PIK3C2G: variants seen among roughly 807,000 people sequenced by gnomAD.
The protein encoded by PIK3C2G is phosphatidylinositol-4-phosphate 3-kinase catalytic subunit type 2 gamma.
In PIK3C2G, 168 loss-of-function variants were observed where a neutral mutation model predicts 181.1. The observed-to-expected ratio is 0.93, with a 90% CI of 0.82 to 1.05. PIK3C2G has a LOEUF of 1.05. PIK3C2G is among the 50% of genes least tolerant of loss of function. The pLI is 0.00. For missense variants in PIK3C2G, 1,869 were observed against 1,732.8 expected (o/e 1.08, Z -1.40); for synonymous variants, 573 against 592.2 (o/e 0.97, Z 0.47).
the PIK3C2G span, among the ~76,000 whole-genome samples, chr12:18,658,542 A>G: frequency 2.0e-5 from 3 of 152,154 alleles, no homozygotes; most frequent in Non-Finnish European, 4.4e-5. Context: ...AAGAGCTAAA[A>G]GAAAAGACCA....
In PIK3C2G at chr12:18,562,801, C is replaced by T; in HGVS notation, c.3689C>T (p.Ser1230Leu). Residue 1230 changes from serine (S) to leucine (L), a missense_variant, in exon 27 of 33, where the codon TCA becomes TTA. By Grantham distance (145) the Ser-to-Leu change is moderately radical (BLOSUM62 -2). Transcript: ENST00000538779. ...GCCATAAGCCCTGCCAAATCTACTT[C>T]ACAGACTTTTCCTCAGGAATCCTGT... is the stretch of plus-strand genomic sequence containing the variant. ...MSAISPAKST[S>L]QTFPQESCLL... The T allele has an allele frequency of 6.2e-7, 1 of 1,608,018 alleles. No individual in the cohort carries two copies. Among genetic ancestry groups the T allele is most frequent in the Non-Finnish European group, 8.5e-7 (1 of 1,176,578 alleles).
Position 18,397,120 on chromosome 12 carries a change from A to G in PIK3C2G, c.2127-2539A>G, listed in dbSNP as rs545100934. Among the ~76,000 whole-genome samples the G allele has an allele frequency of 2.0e-5, 3 of 152,010 alleles. No individual in the cohort carries two copies. The East Asian group carries it at 5.8e-4, about 29-fold the overall frequency. On this transcript the variant is annotated intron_variant, in intron 15 of 32. Transcript: ENST00000538779. ...ATGTAGATAGAATAGAAAGCCAGAG[A>G]CCTATTTGTATGTTCAATTTATTTT... is the stretch of plus-strand genomic sequence containing the variant.
At chr12:18,683,211 C>A in the PIK3C2G span, 1 of 1,593,590 alleles carries the variant, frequency 6.3e-7, no homozygotes, top group Non-Finnish European at 8.6e-7. Context: ...CGATGCATAG[C>A]TAATGATATG....
intron 31 of PIK3C2G, among the ~76,000 whole-genome samples, chr12:18,625,277 C>T (rs1221772134): frequency 1.3e-5 from 2 of 151,566 alleles, no homozygotes; most frequent in African/African-American, 4.8e-5. Context: ...CTTCATTGAC[C>T]TATTGGCTGT....
At chr12:18,291,825 T>C (rs948502961) in intron 4 of PIK3C2G, among the ~76,000 whole-genome samples, 1 of 151,676 alleles carries the variant, frequency 6.6e-6, no homozygotes, top group East Asian at 1.9e-4. Context: ...AGCAGTGTTA[T>C]ATTGGTATAT....
At chr12:18,691,037 C>G in the PIK3C2G span, among the ~76,000 whole-genome samples, 1 of 152,132 alleles carries the variant, frequency 6.6e-6, no homozygotes, top group African/African-American at 2.4e-5. Flanking sequence ...CTGAAACCAT[C>G]AGGAAGCCAA....
At chr12:18,546,258 A>T (rs1944415466) in intron 25 of PIK3C2G, 65 bp from the exon 26 acceptor site, 2 of 966,032 alleles carry the variant, frequency 2.1e-6, no homozygotes, top group Non-Finnish European at 3.2e-6. Context: ...TTAATCAAGT[A>T]AGCTTGATTG....
chr12:18,626,097 G>T (rs1447745058), intron 31 of PIK3C2G, among the ~76,000 whole-genome samples: 1 of 150,510 alleles, frequency 6.6e-6, no homozygotes, highest in Non-Finnish European at 1.5e-5. Context: ...TAGATACTTG[G>T]TTTTTTTCTT....
At chr12:18,451,112 G>C (rs1232795401) in intron 18 of PIK3C2G, among the ~76,000 whole-genome samples, 1 of 152,150 alleles carries the variant, frequency 6.6e-6, no homozygotes, top group Non-Finnish European at 1.5e-5. Context: ...ATTCTGTTAA[G>C]AAAGTCAATG....
chr12:18,715,399 GT>G, the PIK3C2G span, among the ~76,000 whole-genome samples: 1,172 of 146,286 alleles, frequency 8.0e-3, 14 homozygotes, highest in African/African-American at 0.027. Context: ...GGGGTGTTTG[GT>G]TTTTTTTTTG....
chr12:18,530,681 ATC>A (rs2136215110), intron 24 of PIK3C2G, among the ~76,000 whole-genome samples: 1 of 152,270 alleles, frequency 6.6e-6, no homozygotes, highest in Admixed American at 6.5e-5. Context: ...AGGTGATTAG[ATC>A]ATGGGGGTGG....
the PIK3C2G span, among the ~76,000 whole-genome samples, chr12:18,670,984 C>G: frequency 6.6e-6 from 1 of 151,886 alleles, no homozygotes; most frequent in Non-Finnish European, 1.5e-5. Context: ...AGTTAGAGCA[C>G]CTGGACAACA....
rs1421895310 is a variant in PIK3C2G at position 18,609,615 on chromosome 12, C to A, written c.4168C>A (p.His1390Asn). 3 of 1,561,396 alleles carry A rather than the reference C, an allele frequency of 1.9e-6. No homozygotes were observed. Among genetic ancestry groups the A allele is most frequent in the African/African-American group, 2.7e-5 (2 of 73,604 alleles). Residue 1390 changes from histidine to asparagine, a missense_variant, in exon 31 of 33, where the codon CAC (histidine) becomes AAC (asparagine). His to Asn is a moderately conservative substitution (Grantham distance 68). Coordinates refer to ENST00000538779, the MANE Select transcript of PIK3C2G (RefSeq NM_001288772.2). Reference sequence around the variant, plus strand: ...TGTGAAGCTGACCATACTAGTGAAACACATGAAAAACATTGTAAGTTTATT... The same window carrying A: ...TGTGAAGCTGACCATACTAGTGAAAAACATGAAAAACATTGTAAGTTTATT... Reference protein sequence around the residue: ...EDVKLTILVKHMKNIHLPDGS... With the variant: ...EDVKLTILVKNMKNIHLPDGS...
chr12:18,584,177 G>A (rs991128209), intron 29 of PIK3C2G, among the ~76,000 whole-genome samples: 18 of 151,564 alleles, frequency 1.2e-4, no homozygotes, highest in Non-Finnish European at 5.9e-5. Context: ...ACAGGCACCC[G>A]CCACTGTGCC....
intron 31 of PIK3C2G, among the ~76,000 whole-genome samples, chr12:18,613,087 C>G (rs1948424991): frequency 6.6e-6 from 1 of 152,214 alleles, no homozygotes; most frequent in East Asian, 1.9e-4. Flanking sequence ...TAAAAACTCT[C>G]TCTAGCACTT....
intron 24 of PIK3C2G, among the ~76,000 whole-genome samples, chr12:18,526,218 A>G (rs1943225774): frequency 6.6e-6 from 1 of 152,194 alleles, no homozygotes; most frequent in East Asian, 1.9e-4. Flanking sequence ...CAATATTCAC[A>G]GTGATCCAAA....
intron 18 of PIK3C2G, among the ~76,000 whole-genome samples, chr12:18,462,268 A>C (rs1224339859): frequency 6.6e-6 from 1 of 152,204 alleles, no homozygotes; most frequent in Non-Finnish European, 1.5e-5. Context: ...ACGGCTGAAG[A>C]AATTTAATTC....
intron 31 of PIK3C2G, among the ~76,000 whole-genome samples, chr12:18,620,302 G>T (rs1196390709): frequency 2.0e-5 from 3 of 151,912 alleles, no homozygotes; most frequent in South Asian, 2.1e-4. Flanking sequence ...GTGTCCTCTT[G>T]ATTAATTAAC....
chr12:18,703,861 G>T, the PIK3C2G span, among the ~76,000 whole-genome samples: 1 of 151,624 alleles, frequency 6.6e-6, no homozygotes, highest in Non-Finnish European at 1.5e-5. Flanking sequence ...ATTTTAAGTT[G>T]GCAAAAAAAA....
Sources: gnomAD v4.1 joint callset for allele counts (sites outside exome capture counted in the v4.1 genomes callset) on GRCh38, gnomAD v4.1.1 for gene constraint, MANE v1.5 for transcripts, NCBI Gene and HGNC (gene_info 2026-07-23, HGNC 2026-07-21) for gene names.